The following GRIN2B variants were observed in gnomAD, a reference collection of about 807,000 sequenced individuals.
GRIN2B encodes glutamate ionotropic receptor NMDA type subunit 2B.
A neutral mutation model predicts 114.5 loss-of-function variants in GRIN2B; 5 were observed. The ratio of observed to expected loss-of-function variants is 0.04; its 90% CI spans 0.02 to 0.09. GRIN2B has a LOEUF of 0.09. Among genes scored for constraint, GRIN2B ranks in the 10% least tolerant of loss-of-function variants. The probability of loss-of-function intolerance (pLI) is 1.00; values close to 1 mark genes in which losing one functional copy is unlikely to be tolerated. For synonymous variants in GRIN2B, 787 were observed against 745.1 expected (o/e 1.06, Z -0.92); for missense variants, 1,108 against 1,943.5 (o/e 0.57, Z 8.08).
At position 13,615,977 on chromosome 12, in the gene GRIN2B, G is replaced by A. The variant is rs552179316; in HGVS notation, c.1329-313C>T. 2.6e-5 allele frequency among the ~76,000 whole-genome samples: 4 copies of A among 152,254 alleles called. No individual in the cohort carries two copies. The East Asian group carries it at 5.8e-4, about 22-fold the overall frequency. ...TTTCAGACTGAACTCTTATTAATCA[G>A]CACCCGGATCCAGATACAGAAAAGT... is the stretch of plus-strand genomic sequence containing the variant. On this transcript the variant is annotated intron_variant, in intron 6 of 13. Transcript: ENST00000609686. The surrounding 1 kb of genome is among the most constrained non-coding windows in gnomAD (Gnocchi z 5.8).
chr12:13,933,812 C>T (rs1030987158), intron 2 of GRIN2B, among the ~76,000 whole-genome samples: 1 of 151,548 alleles, frequency 6.6e-6, no homozygotes, highest in Non-Finnish European at 1.5e-5. Flanking sequence ...TGTGGTAAAG[C>T]CTGGTTTGGG....
chr12:13,628,082 C>A (rs140467175), intron 5 of GRIN2B, among the ~76,000 whole-genome samples: 1 of 152,162 alleles, frequency 6.6e-6, no homozygotes, highest in Non-Finnish European at 1.5e-5. Flanking sequence ...ATATTATGTG[C>A]CATAAGGCAC....
intron 4 of GRIN2B, among the ~76,000 whole-genome samples, chr12:13,732,647 T>G (rs535798514): frequency 6.6e-6 from 1 of 152,370 alleles, no homozygotes; most frequent in East Asian, 1.9e-4. Flanking sequence ...ACTTCACTTC[T>G]TGACTAAACT....
chr12:13,890,002 G>T (rs77542866), intron 2 of GRIN2B, among the ~76,000 whole-genome samples: 2,914 of 152,266 alleles, frequency 0.019, 85 homozygotes, highest in African/African-American at 0.066. Flanking sequence ...CAGTTAGTGA[G>T]GATCGAAACT....
chr12:13,716,304 T>C (rs573556884), intron 4 of GRIN2B, among the ~76,000 whole-genome samples: 93 of 151,884 alleles, frequency 6.1e-4, no homozygotes, highest in African/African-American at 2.1e-3. Context: ...GAGTATAGTG[T>C]AGGGAGGTGA....
intron 3 of GRIN2B, among the ~76,000 whole-genome samples, chr12:13,768,468 A>G (rs976217759): frequency 1.3e-5 from 2 of 152,200 alleles, no homozygotes; most frequent in African/African-American, 4.8e-5. Context: ...AGCAGAAGCT[A>G]TGGGATAGCA....
At chr12:13,788,886 C>A (rs940317653) in intron 3 of GRIN2B, among the ~76,000 whole-genome samples, 1 of 152,212 alleles carries the variant, frequency 6.6e-6, no homozygotes, top group Non-Finnish European at 1.5e-5. Flanking sequence ...TCATTACCTT[C>A]CCTCTGCACT....
At chr12:13,764,933 T>C (rs1863752252) in intron 3 of GRIN2B, among the ~76,000 whole-genome samples, 2 of 152,262 alleles carry the variant, frequency 1.3e-5, no homozygotes, top group South Asian at 2.1e-4. Context: ...ATCTGAATCC[T>C]TCACAATGGG....
chr12:13,764,448 G>T (rs1231600812), intron 3 of GRIN2B, among the ~76,000 whole-genome samples: 1 of 152,206 alleles, frequency 6.6e-6, no homozygotes, highest in African/African-American at 2.4e-5. Context: ...TGCTCTAACC[G>T]GCTAACACCG....
At chr12:13,730,044 A>G (rs1863060035) in intron 4 of GRIN2B, among the ~76,000 whole-genome samples, 1 of 150,946 alleles carries the variant, frequency 6.6e-6, no homozygotes, top group Non-Finnish European at 1.5e-5. Context: ...AAAACACTTC[A>G]GACTGAGAGA....
chr12:13,827,218 A>AT (rs1865055595), intron 3 of GRIN2B, among the ~76,000 whole-genome samples: 1 of 63,526 alleles, frequency 1.6e-5, no homozygotes, highest in Non-Finnish European at 3.2e-5. Flanking sequence ...AATGTGCCTT[A>AT]TTGTTGTTTT....
chr12:13,673,398 T>A (rs758605462), intron 5 of GRIN2B, among the ~76,000 whole-genome samples: 2 of 151,832 alleles, frequency 1.3e-5, no homozygotes, highest in Admixed American at 6.6e-5. Context: ...CAAGAACAGA[T>A]CAAGTCTAGC....
intron 3 of GRIN2B, among the ~76,000 whole-genome samples, chr12:13,756,354 C>G (rs1489778956): frequency 6.6e-6 from 1 of 152,154 alleles, no homozygotes; most frequent in African/African-American, 2.4e-5. Context: ...TATAAGTAGC[C>G]TGAAAGGACT....
intron 3 of GRIN2B, among the ~76,000 whole-genome samples, chr12:13,805,035 T>C (rs531307386): frequency 6.6e-6 from 1 of 152,332 alleles, no homozygotes; most frequent in South Asian, 2.1e-4. Context: ...TTAGTTTCAG[T>C]CTGGTCTAGC....
chr12:13,709,533 A>C (rs1374630196), intron 4 of GRIN2B, among the ~76,000 whole-genome samples: 1 of 152,062 alleles, frequency 6.6e-6, no homozygotes. Flanking sequence ...GTTAATATAA[A>C]AAATACTTGC....
At chr12:13,842,917 C>CTTTTTTTTTTTTTTTTTTTTT (rs201344138) in intron 3 of GRIN2B, among the ~76,000 whole-genome samples, 2 of 103,222 alleles carry the variant, frequency 1.9e-5, no homozygotes, top group Non-Finnish European at 2.0e-5. Context: ...ATTGGTTTTT[C>CTTTTTTTTTTTTTTTTTTTTT]TTTTTTTTTT....
chr12:13,837,645 C>A (rs912169232), intron 3 of GRIN2B, among the ~76,000 whole-genome samples: 1 of 152,118 alleles, frequency 6.6e-6, no homozygotes. Context: ...GCCAGCAAAA[C>A]CAATTTTGAC....
intron 3 of GRIN2B, among the ~76,000 whole-genome samples, chr12:13,862,572 C>T (rs1339397496): frequency 6.6e-6 from 1 of 152,000 alleles, no homozygotes; most frequent in East Asian, 1.9e-4. Context: ...TTGTCCTATT[C>T]CCCTGTTGTT....
chr12:13,675,949 G>C (rs1272091551), intron 4 of GRIN2B, 90 bp from the exon 5 acceptor site: 7 of 762,266 alleles, frequency 9.2e-6, no homozygotes, highest in African/African-American at 8.5e-5. Context: ...AAGCTGGCTG[G>C]AGACAGACAA....
Sources: gnomAD v4.1 joint callset for allele counts (sites outside exome capture counted in the v4.1 genomes callset) on GRCh38, gnomAD v4.1.1 for gene constraint, Gnocchi (gnomAD v3.1) non-coding constraint, MANE v1.5 for transcripts, NCBI Gene and HGNC (gene_info 2026-07-23, HGNC 2026-07-21) for gene names.